The following STAC variants were observed in gnomAD, a reference collection of about 807,000 sequenced individuals.
STAC encodes SH3 and cysteine rich domain.
STAC carries 43 observed loss-of-function variants against 48.8 expected under a neutral mutation model. That is an observed-to-expected ratio of 0.88 (90% CI 0.69 to 1.14). The LOEUF is 1.14. Ranked by LOEUF, STAC falls within the 50% of genes most tolerant of loss-of-function variation. STAC has a pLI of 0.00. For synonymous variants in STAC, 193 were observed against 179.5 expected, an observed-to-expected ratio of 1.07 and a Z score of -0.60; for missense variants, 497 against 504.0, an observed-to-expected ratio of 0.99 and a Z score of 0.13.
intron 2 of STAC, among the ~76,000 whole-genome samples, chr3:36,456,356 G>T (rs1252393004): frequency 6.6e-6 from 1 of 152,042 alleles, no homozygotes; most frequent in African/African-American, 2.4e-5. Flanking sequence ...GAGATTTCAA[G>T]GAATTCCTTC....
intron 1 of STAC, among the ~76,000 whole-genome samples, chr3:36,405,934 G>A (rs926955403): frequency 3.3e-5 from 5 of 152,114 alleles, no homozygotes; most frequent in Non-Finnish European, 7.4e-5. Context: ...TGTTGCCCAG[G>A]ATGGTCTTGA....
chr3:36,457,386 A>G (rs1696883999), intron 2 of STAC, among the ~76,000 whole-genome samples: 2 of 152,382 alleles, frequency 1.3e-5, no homozygotes, highest in East Asian at 3.9e-4. Flanking sequence ...ACAGTAATAC[A>G]TGTGAAAGCA....
At chr3:36,544,163 C>G (rs1452253320) in intron 10 of STAC, among the ~76,000 whole-genome samples, 1 of 152,136 alleles carries the variant, frequency 6.6e-6, no homozygotes, top group Non-Finnish European at 1.5e-5. Context: ...GGAGCCTCCC[C>G]CTTTCAGTAT....
intron 1 of STAC, among the ~76,000 whole-genome samples, chr3:36,389,558 A>G (rs978131844): frequency 6.6e-6 from 1 of 152,232 alleles, no homozygotes; most frequent in South Asian, 2.1e-4. Context: ...CTGACTTACT[A>G]TTATGAATTA....
intron 1 of STAC, among the ~76,000 whole-genome samples, chr3:36,381,231 A>AAAAAAG (rs1007850757): frequency 4.6e-5 from 7 of 152,128 alleles, no homozygotes; most frequent in African/African-American, 1.7e-4. Flanking sequence ...ACTACTCACT[A>AAAAAAG]AAAAAGAAAA....
intron 6 of STAC, among the ~76,000 whole-genome samples, chr3:36,504,131 T>A (rs1698341833): frequency 6.6e-6 from 1 of 152,048 alleles, no homozygotes; most frequent in Admixed American, 6.6e-5. Flanking sequence ...CTACTGCCAA[T>A]CATTACAAGA....
intron 1 of STAC, among the ~76,000 whole-genome samples, chr3:36,432,281 C>G: frequency 6.6e-6 from 1 of 152,356 alleles, no homozygotes; most frequent in South Asian, 2.1e-4. Flanking sequence ...CTTTCCTACA[C>G]TCACACTGCT....
chr3:36,425,233 C>T (rs62245732), intron 1 of STAC, among the ~76,000 whole-genome samples: 9,076 of 152,232 alleles, frequency 0.06, 279 homozygotes, highest in South Asian at 0.073. Context: ...TAATGGAAGA[C>T]GTTGACATCA....
chr3:36,478,064 A>T (rs183089062), intron 2 of STAC, among the ~76,000 whole-genome samples: 13 of 152,252 alleles, frequency 8.5e-5, no homozygotes, highest in Non-Finnish European at 8.8e-5. Flanking sequence ...TTCTTCTGTC[A>T]TTTATTTCAG....
chr3:36,482,967 C>T (rs764574683), intron 2 of STAC, 25 bp from the exon 3 acceptor site: 3 of 1,585,716 alleles, frequency 1.9e-6, no homozygotes, highest in Non-Finnish European at 2.6e-6. Context: ...TGTATCCTAA[C>T]CAAAGTTTGC....
rs747654301 is a variant in STAC at position 36,529,010 on chromosome 3, C to T, written c.1110+25C>T. The T allele has an allele frequency of 6.4e-6, 10 of 1,569,070 alleles. No individual in the cohort carries two copies. In the Admixed American group the frequency reaches 1.5e-4, roughly 23 times the overall value. ...GGTGAGTAAACCACACAAACACATT[C>T]CAGATATGAGCCAAATAGGGTGTCA... On this transcript the variant is annotated intron_variant, in intron 10 of 10. Coordinates refer to ENST00000273183, the MANE Select transcript of STAC (RefSeq NM_003149.3).
chr3:36,445,380 C>T (rs1031976604), intron 2 of STAC, among the ~76,000 whole-genome samples: 1 of 152,118 alleles, frequency 6.6e-6, no homozygotes, highest in Non-Finnish European at 1.5e-5. Flanking sequence ...TCTCACTGCT[C>T]TTTTCAAGGA....
intron 2 of STAC, among the ~76,000 whole-genome samples, chr3:36,444,725 G>A (rs1485423797): frequency 6.6e-6 from 1 of 152,232 alleles, no homozygotes; most frequent in Non-Finnish European, 1.5e-5. Flanking sequence ...ACAGGGAGGG[G>A]TGGAAAATGG....
At chr3:36,533,256 C>T (rs925002336) in intron 10 of STAC, among the ~76,000 whole-genome samples, 2 of 152,266 alleles carry the variant, frequency 1.3e-5, no homozygotes, top group Non-Finnish European at 1.5e-5. Flanking sequence ...GCACAGGCAT[C>T]ATCATCAGAC....
Position 36,400,626 on chromosome 3 carries a change from G to T in STAC, c.111+19872G>T, listed in dbSNP as rs549211582. Among the ~76,000 whole-genome samples the T allele has an allele frequency of 2.0e-5, 3 of 152,304 alleles. No homozygotes were observed. The South Asian group carries it at 6.2e-4, about 32-fold the overall frequency. Reference sequence around the variant, plus strand: ...CACCTAGAGGGCCAATTGAAACACAGATTATTGGACTTCATCCCCAGAGTT... The same window carrying T: ...CACCTAGAGGGCCAATTGAAACACATATTATTGGACTTCATCCCCAGAGTT... On this transcript the variant is annotated intron_variant, in intron 1 of 10. Transcript: ENST00000273183.
intron 2 of STAC, among the ~76,000 whole-genome samples, chr3:36,446,428 G>C (rs9881480): frequency 0.19 from 29,339 of 152,158 alleles, 2,943 homozygotes; most frequent in East Asian, 0.33. Context: ...TACTTGGCTA[G>C]AGGAACATAC....
intron 1 of STAC, among the ~76,000 whole-genome samples, chr3:36,431,902 A>T (rs1017996184): frequency 3.9e-5 from 6 of 152,084 alleles, no homozygotes; most frequent in African/African-American, 1.5e-4. Context: ...TATTCAGTAG[A>T]AAAAAGGGCT....
intron 2 of STAC, among the ~76,000 whole-genome samples, chr3:36,449,993 C>A (rs940417581): frequency 1.3e-5 from 2 of 152,008 alleles, no homozygotes; most frequent in African/African-American, 4.8e-5. Flanking sequence ...ACTGGAACAT[C>A]TGAATGCCCT....
intron 1 of STAC, among the ~76,000 whole-genome samples, chr3:36,406,095 A>G (rs1378310458): frequency 6.6e-6 from 1 of 152,188 alleles, no homozygotes; most frequent in African/African-American, 2.4e-5. Context: ...GCATGGTCCC[A>G]GTAGTGCTTT....
Sources: allele counts gnomAD v4.1 joint callset (sites outside exome capture counted in the v4.1 genomes callset), GRCh38; gene constraint gnomAD v4.1.1; transcripts MANE v1.5; gene names NCBI Gene and HGNC (gene_info 2026-07-23, HGNC 2026-07-21).